Variants in CLDN14 observed in about 807,000 individuals in gnomAD.
CLDN14 encodes the protein claudin-14.
Under a neutral mutation model 2.1 loss-of-function variants are expected in CLDN14, and 2 were observed. That is an observed-to-expected ratio of 0.96 (90% CI 0.39 to 3.01). The LOEUF (loss-of-function observed/expected upper bound fraction) is 3.01. CLDN14 is among the 30% of genes most tolerant of loss of function. The pLI is 0.09. For synonymous variants in CLDN14, 136 were observed against 154.4 expected (o/e 0.88, Z 0.88); for missense variants, 298 against 328.0 (o/e 0.91, Z 0.71).
At chr21:36,469,995 A>T (rs2146430127) in intron 1 of CLDN14, among the ~76,000 whole-genome samples, 1 of 152,284 alleles carries the variant, frequency 6.6e-6, no homozygotes, top group South Asian at 2.1e-4. Flanking sequence ...AAAACTTGTC[A>T]TCTGAGATTA....
chr21:36,532,464 G>A (rs2087389107), intron 1 of CLDN14: 1 of 151,878 alleles, frequency 6.6e-6, no homozygotes, highest in Non-Finnish European at 1.5e-5. Flanking sequence ...GGGGAGTGGG[G>A]AGGGATAGCA....
intron 2 of CLDN14, chr21:36,485,898 G>A: frequency 1.4e-6 from 1 of 709,644 alleles, no homozygotes; most frequent in Non-Finnish European, 2.3e-6. Context: ...GGCTGTAATG[G>A]TTACAGATAA....
At position 36,486,084 on chromosome 21, in the gene CLDN14, C is replaced by T. The variant is rs116823059; in HGVS notation, c.-82+24279G>A. 1.2e-3 allele frequency: 1,634 copies of T among 1,377,208 alleles called. 11 individuals are homozygous for T. In the African/African-American group the frequency reaches 0.019, roughly 16 times the overall value. 85.3% of individuals were successfully genotyped at this position (1,377,208 alleles called of 1,614,324 possible). On this transcript the variant is annotated intron_variant, in intron 2 of 2. Coordinates refer to the CLDN14 transcript ENST00000342108. ...CAAATGGCTTCATTGTTGGGATCCA[C>T]ACCTGGGAGGTTCTCCAGGACACTC...
intron 2 of CLDN14, among the ~76,000 whole-genome samples, chr21:36,509,828 T>C (rs2087169514): frequency 6.6e-6 from 1 of 152,088 alleles, no homozygotes; most frequent in Non-Finnish European, 1.5e-5. Flanking sequence ...ACTCCTGACC[T>C]CGTAATCCGC....
chr21:36,550,864 A>G (rs1436839296), intron 1 of CLDN14, among the ~76,000 whole-genome samples: 1 of 152,182 alleles, frequency 6.6e-6, no homozygotes, highest in Non-Finnish European at 1.5e-5. Context: ...TCCCAAATTC[A>G]TGCTCACCCA....
intron 1 of CLDN14, among the ~76,000 whole-genome samples, chr21:36,529,908 G>A (rs905041157): frequency 6.6e-6 from 1 of 151,928 alleles, no homozygotes; most frequent in African/African-American, 2.4e-5. Context: ...TGCTAATATC[G>A]GAGCTAGCAC....
At chr21:36,572,857 A>G (rs547902064) in intron 1 of CLDN14, among the ~76,000 whole-genome samples, 1 of 152,350 alleles carries the variant, frequency 6.6e-6, no homozygotes, top group East Asian at 1.9e-4. Flanking sequence ...CCTGGTATAT[A>G]GTAGATGCCT....
At chr21:36,483,465 C>A (rs2086867008), upstream of CLDN14, among the ~76,000 whole-genome samples, 1 of 152,244 alleles carries the variant, frequency 6.6e-6, no homozygotes, top group Admixed American at 6.5e-5. Context: ...TGTCTGGGGT[C>A]ACAGGGTCTG....
intron 1 of CLDN14, among the ~76,000 whole-genome samples, chr21:36,467,883 G>A (rs928254878): frequency 1.3e-5 from 2 of 152,174 alleles, no homozygotes; most frequent in Non-Finnish European, 2.9e-5. Flanking sequence ...GGACATCAGC[G>A]GGGAGCTGGG....
chr21:36,570,159 T>C (rs2087699454), intron 1 of CLDN14, among the ~76,000 whole-genome samples: 1 of 152,202 alleles, frequency 6.6e-6, no homozygotes, highest in South Asian at 2.1e-4. Flanking sequence ...GGCAATTGGA[T>C]GAAAGAGTTA....
chr21:36,471,492 T>TACCCA (rs57603198), intron 1 of CLDN14, among the ~76,000 whole-genome samples: 2,166 of 152,278 alleles, frequency 0.014, 35 homozygotes, highest in African/African-American at 0.047. Flanking sequence ...GGCTGGGGTA[T>TACCCA]AATTGGTGAC....
intron 2 of CLDN14, among the ~76,000 whole-genome samples, chr21:36,493,458 A>C (rs1173912938): frequency 6.6e-6 from 1 of 152,152 alleles, no homozygotes; most frequent in Non-Finnish European, 1.5e-5. Flanking sequence ...GATAATCTTC[A>C]AGGTTCCTTT....
At chr21:36,476,696 C>T (rs958379020) in intron 1 of CLDN14, among the ~76,000 whole-genome samples, 1 of 152,226 alleles carries the variant, frequency 6.6e-6, no homozygotes, top group South Asian at 2.1e-4. Context: ...CATGATCCAC[C>T]CGCCTTGGAC....
At chr21:36,504,085 T>A (rs990494016) in intron 2 of CLDN14, among the ~76,000 whole-genome samples, 40 of 150,530 alleles carry the variant, frequency 2.7e-4, no homozygotes, top group African/African-American at 8.3e-4. Flanking sequence ...ATGCTTGTAA[T>A]ACCAGCACTT....
chr21:36,531,046 C>G (rs1272459099), intron 1 of CLDN14, among the ~76,000 whole-genome samples: 1 of 152,006 alleles, frequency 6.6e-6, no homozygotes, highest in Non-Finnish European at 1.5e-5. Flanking sequence ...GCCTGGCCAA[C>G]ATGGTGAAAC....
In CLDN14 at chr21:36,499,313, G is replaced by T. The variant is rs894084458; in HGVS notation, c.-82+11050C>A. On this transcript the variant is annotated intron_variant, in intron 2 of 2. Transcript: ENST00000342108. The surrounding 1 kb of genome is among the most constrained non-coding windows in gnomAD (Gnocchi z 4.7). ...CGCCCAGGCTGGAGTGCAGTGGTGT[G>T]ATCTCAGCTCGCTGCAACCTCTGCC... is the stretch of plus-strand genomic sequence containing the variant. Among the ~76,000 whole-genome samples, 1 of 152,176 alleles carries T rather than the reference G, an allele frequency of 6.6e-6. No homozygotes were observed. The highest frequency in any genetic ancestry group is 6.5e-5 in the Admixed American group (1 of 15,276).
At chr21:36,486,327 A>G (rs1415989333) in intron 2 of CLDN14, 1 of 817,282 alleles carries the variant, frequency 1.2e-6, no homozygotes. Flanking sequence ...CTTCAGCAGG[A>G]CCTCGTCTGA....
intron 1 of CLDN14, among the ~76,000 whole-genome samples, chr21:36,515,921 G>A (rs2087225948): frequency 6.6e-6 from 1 of 151,370 alleles, no homozygotes; most frequent in Admixed American, 6.6e-5. Flanking sequence ...TGAGTAGCTG[G>A]GATTACAGGT....
rs185117184 is a variant in CLDN14 at position 36,557,422 on chromosome 21, C to A, written c.-220+18989G>T. Among the ~76,000 whole-genome samples, 183 of 152,122 alleles carry A rather than the reference C, an allele frequency of 1.2e-3. 2 individuals carry two copies. In the Middle Eastern group the frequency reaches 0.014, roughly 11 times the overall value. On this transcript the variant is annotated intron_variant, in intron 1 of 2. Transcript: ENST00000342108. ...TACATTTCCACCAAGAGTGAACAAG[C>A]GTTCCAACTTCTCCACATCCTTGCC... is the stretch of plus-strand genomic sequence containing the variant.
Sources: gnomAD v4.1 joint callset for allele counts (sites outside exome capture counted in the v4.1 genomes callset) on GRCh38, gnomAD v4.1.1 for gene constraint, Gnocchi (gnomAD v3.1) non-coding constraint, MANE v1.5 for transcripts, NCBI Gene and HGNC (gene_info 2026-07-23, HGNC 2026-07-21) for gene names.